SGCD: variants seen among roughly 807,000 people sequenced by gnomAD.
SGCD encodes the protein delta-sarcoglycan.
In SGCD, 18 loss-of-function variants were observed where a neutral mutation model predicts 36.6. The ratio of observed to expected loss-of-function variants is 0.49; its 90% CI spans 0.34 to 0.73. The LOEUF (loss-of-function observed/expected upper bound fraction) is 0.73. Among genes scored for constraint, SGCD ranks in the 30% least tolerant of loss-of-function variants. The pLI is 0.01. For missense variants in SGCD, 387 were observed against 346.7 expected (o/e 1.12, Z -0.92); for synonymous variants, 133 against 130.6 (o/e 1.02, Z -0.12).
intron 7 of SGCD, among the ~76,000 whole-genome samples, chr5:156,654,317 C>T (rs1224740368): frequency 6.6e-6 from 1 of 152,048 alleles, no homozygotes; most frequent in Admixed American, 6.6e-5. Flanking sequence ...TTTGTTGGGC[C>T]TGCAGAGCAG....
At chr5:156,559,021 C>A (rs984842930) in intron 4 of SGCD, among the ~76,000 whole-genome samples, 1 of 133,608 alleles carries the variant, frequency 7.5e-6, no homozygotes, top group Non-Finnish European at 1.6e-5. Flanking sequence ...GGACTAAGAG[C>A]TCCTGTTCAG....
the SGCD span, among the ~76,000 whole-genome samples, chr5:155,839,051 G>A: frequency 6.7e-6 from 1 of 149,022 alleles, no homozygotes; most frequent in African/African-American, 2.5e-5. Context: ...GAAAGAGGTG[G>A]GTAGGAGCAA....
intron 3 of SGCD, among the ~76,000 whole-genome samples, chr5:156,164,490 GC>G (rs1169538646): frequency 1.3e-5 from 2 of 152,154 alleles, no homozygotes; most frequent in South Asian, 4.2e-4. Flanking sequence ...CAGCATCATT[GC>G]TTTCCAATGA....
chr5:156,405,899 T>C (rs1019008951), intron 3 of SGCD, among the ~76,000 whole-genome samples: 1 of 151,772 alleles, frequency 6.6e-6, no homozygotes, highest in Non-Finnish European at 1.5e-5. Context: ...TTTGAGTTGA[T>C]GGATTTTACA....
intron 1 of SGCD, among the ~76,000 whole-genome samples, chr5:155,956,801 C>G (rs1034251703): frequency 1.2e-4 from 18 of 150,124 alleles, no homozygotes; most frequent in African/African-American, 3.7e-4. Context: ...CTCAGGGCCC[C>G]CCCCCCCGGT....
At chr5:156,249,209 T>C (rs918060416) in intron 3 of SGCD, among the ~76,000 whole-genome samples, 24 of 152,206 alleles carry the variant, frequency 1.6e-4, no homozygotes, top group Middle Eastern at 3.4e-3. Context: ...TTGGCATTCA[T>C]GACTGGGTGG....
At chr5:155,914,939 T>G (rs1162553737) in intron 1 of SGCD, among the ~76,000 whole-genome samples, 1 of 152,218 alleles carries the variant, frequency 6.6e-6, no homozygotes, top group Non-Finnish European at 1.5e-5. Flanking sequence ...ATATGTATTA[T>G]GACATTCATT....
At chr5:156,276,551 A>T (rs1021493017) in intron 3 of SGCD, among the ~76,000 whole-genome samples, 11 of 152,162 alleles carry the variant, frequency 7.2e-5, no homozygotes, top group African/African-American at 2.7e-4. Flanking sequence ...ATGTGCCTGT[A>T]TGTTTTTAAA....
chr5:156,611,870 ACTGT>A (rs1394367274), intron 6 of SGCD, among the ~76,000 whole-genome samples: 1 of 152,120 alleles, frequency 6.6e-6, no homozygotes, highest in Non-Finnish European at 1.5e-5. Context: ...TGTTATTGAC[ACTGT>A]CAGTCATATT....
Position 156,405,200 on chromosome 5 carries a change from G to A in SGCD, c.192+60523G>A, listed in dbSNP as rs563046104. The stretch of plus-strand genomic sequence containing the variant: ...CAAGAGAGAAAGAGCCTCCGACCTG[G>A]GGCAAAACTTTGATTTCAACCTTGT... On this transcript the variant is annotated intron_variant, in intron 3 of 8. Transcript: ENST00000337851. 3.3e-5 allele frequency among the ~76,000 whole-genome samples: 5 copies of A among 152,236 alleles called. No individual in the cohort carries two copies. The South Asian group carries it at 1.0e-3, about 32-fold the overall frequency.
chr5:156,328,148 CTTCT>C lies in SGCD; in HGVS notation c.-44+919_-44+922del, dbSNP rs1767899072. ...TTAGTGTTCCTCTTCAGTTTTGGTT[CTTCT>C]TTATCAACTCTATTGCAGTATAGAT... On this transcript the variant is annotated intron_variant, in intron 1 of 8. Transcript: ENST00000337851. Among the ~76,000 whole-genome samples the C allele has an allele frequency of 5.9e-5, 9 of 152,292 alleles. No homozygotes were observed. The South Asian group carries it at 1.9e-3, about 32-fold the overall frequency.
chr5:155,843,427 TACTC>T, the SGCD span, among the ~76,000 whole-genome samples: 1 of 151,774 alleles, frequency 6.6e-6, no homozygotes, highest in South Asian at 2.1e-4. Context: ...CACACACTGA[TACTC>T]ACGCTGAGGT....
chr5:156,490,549 A>G (rs942779958), intron 3 of SGCD, among the ~76,000 whole-genome samples: 5 of 152,080 alleles, frequency 3.3e-5, no homozygotes, highest in African/African-American at 9.6e-5. Context: ...GGATGGTTCA[A>G]TATATGCAAA....
intron 3 of SGCD, among the ~76,000 whole-genome samples, chr5:156,291,675 C>T (rs1051379962): frequency 3.3e-5 from 5 of 151,972 alleles, no homozygotes; most frequent in South Asian, 2.1e-4. Flanking sequence ...GCTATTCTCA[C>T]GAAACTTGCC....
intron 1 of SGCD, among the ~76,000 whole-genome samples, chr5:156,106,877 T>G (rs1761661065): frequency 6.6e-6 from 1 of 152,184 alleles, no homozygotes; most frequent in African/African-American, 2.4e-5. Flanking sequence ...TGATGCATTA[T>G]TTTAGTGTAT....
At chr5:156,473,414 T>A (rs1005400150) in intron 3 of SGCD, among the ~76,000 whole-genome samples, 1 of 152,228 alleles carries the variant, frequency 6.6e-6, no homozygotes, top group African/African-American at 2.4e-5. Context: ...AAAGGGATGA[T>A]TCATGCAGGA....
intron 6 of SGCD, among the ~76,000 whole-genome samples, chr5:156,603,235 T>C (rs1761272310): frequency 6.6e-6 from 1 of 152,144 alleles, no homozygotes; most frequent in Non-Finnish European, 1.5e-5. Flanking sequence ...TAGATAGATA[T>C]TCATATAGAT....
chr5:155,937,012 G>A (rs1434094647), intron 1 of SGCD, among the ~76,000 whole-genome samples: 1 of 152,198 alleles, frequency 6.6e-6, no homozygotes, highest in Admixed American at 6.5e-5. Flanking sequence ...CAGGGAGTGG[G>A]GGGAGAGACC....
At chr5:155,788,432 G>A in the SGCD span, among the ~76,000 whole-genome samples, 7 of 152,048 alleles carry the variant, frequency 4.6e-5, no homozygotes, top group Admixed American at 4.6e-4. Context: ...CAAGTTTTAT[G>A]TGATAATATC....
Sources: gnomAD v4.1 joint callset for allele counts (sites outside exome capture counted in the v4.1 genomes callset) on GRCh38, gnomAD v4.1.1 for gene constraint, MANE v1.5 for transcripts, NCBI Gene and HGNC (gene_info 2026-07-23, HGNC 2026-07-21) for gene names.